Variants in YTHDF2 observed in about 807,000 individuals in gnomAD.
YTHDF2 encodes the protein YTH N6-methyladenosine RNA binding protein F2, also known as YTH domain-containing family protein 2.
In YTHDF2, 2 loss-of-function variants were observed where a neutral mutation model predicts 50.4. The ratio of observed to expected loss-of-function variants is 0.04; its 90% CI spans 0.02 to 0.12. The LOEUF (loss-of-function observed/expected upper bound fraction) is 0.12, where lower values mean the gene tolerates loss of function less well. Among genes scored for constraint, YTHDF2 ranks in the 10% least tolerant of loss-of-function variants. The pLI is 1.00. For missense variants in YTHDF2, 483 were observed against 722.6 expected (o/e 0.67, Z 3.80); for synonymous variants, 217 against 255.6 (o/e 0.85, Z 1.44).
intron 4 of YTHDF2, among the ~76,000 whole-genome samples, chr1:28,763,677 G>A (rs1252375207): frequency 6.6e-6 from 1 of 151,134 alleles, no homozygotes; most frequent in Non-Finnish European, 1.5e-5. Context: ...GGATGGTCTC[G>A]ATCTCCTGAC....
chr1:28,768,963 T>G lies in YTHDF2; in HGVS notation c.*11T>G. 6.3e-7 allele frequency: 1 copy of G among 1,584,306 alleles called. No individual in the cohort carries two copies. Among genetic ancestry groups the G allele is most frequent in the Non-Finnish European group, 8.6e-7 (1 of 1,164,136 alleles). On this transcript the variant is annotated 3_prime_UTR_variant, in exon 5 of 5. Transcript: ENST00000373812. The stretch of plus-strand genomic sequence containing the variant: ...GGTCGTGGGAAATAAAAGGCAGTTC[T>G]ACACAGACTGCAGCAACGGTTGCAT...
chr1:28,759,645 A>C (rs1348310062), intron 4 of YTHDF2, among the ~76,000 whole-genome samples: 2 of 152,186 alleles, frequency 1.3e-5, no homozygotes, highest in Non-Finnish European at 2.9e-5. Flanking sequence ...CAGAAAATGT[A>C]CATTAAAACA....
At chr1:28,737,184 A>G in intron 1 of YTHDF2, 37 bp downstream of exon 1, 1 of 1,547,492 alleles carries the variant, frequency 6.5e-7, no homozygotes, top group Non-Finnish European at 8.7e-7. Flanking sequence ...CCATTGTGTG[A>G]GGCGAGAAGG....
At position 28,769,349 on chromosome 1, in the gene YTHDF2, A is replaced by G. The variant is rs2088270085; in HGVS notation, c.*397A>G. ...CCATTTTGACATTTGCACTTGGAGAACACTTGAGTTGTGAAGGTTTTGGGC... is the reference window on the plus strand; with the variant it reads ...CCATTTTGACATTTGCACTTGGAGAGCACTTGAGTTGTGAAGGTTTTGGGC... On this transcript the variant is annotated 3_prime_UTR_variant, in exon 5 of 5. Coordinates refer to ENST00000373812, the MANE Select transcript of YTHDF2 (RefSeq NM_016258.3). 1 of 154,898 alleles carries G rather than the reference A, an allele frequency of 6.5e-6. No homozygotes were observed. The highest frequency in any genetic ancestry group is 1.4e-5 in the Non-Finnish European group (1 of 69,614). 9.6% of individuals were successfully genotyped at this position (154,898 alleles called of 1,614,324 possible). A position where few individuals can be genotyped will look rare whatever the true frequency, so the allele number is the denominator to read the frequency against.
rs138573107 is a variant in YTHDF2, at chr1:28,763,517, G to A, written c.1717-5412G>A. ...GTTGCTCAGGCTGGAGTGCAGTGGT[G>A]CGATCTCAGCTCAGTGCAACCTCCA... is the stretch of plus-strand genomic sequence containing the variant. On this transcript the variant is annotated intron_variant, in intron 4 of 4. Transcript: ENST00000373812. Among the ~76,000 whole-genome samples the A allele has an allele frequency of 8.4e-3, 1,278 of 152,158 alleles. 14 individuals carry two copies. Among genetic ancestry groups the A allele is most frequent in the African/African-American group, 0.027 (1,128 of 41,530 alleles).
chr1:28,766,001 C>CT (rs1158955295), intron 4 of YTHDF2, among the ~76,000 whole-genome samples: 4 of 152,186 alleles, frequency 2.6e-5, no homozygotes, highest in African/African-American at 4.8e-5. Context: ...CTTATTCAGA[C>CT]TTTATCAGTT....
intron 1 of YTHDF2, 130 bp from the exon 2 acceptor site, chr1:28,737,528 C>T (rs950478240): frequency 7.7e-7 from 1 of 1,291,344 alleles, no homozygotes; most frequent in Non-Finnish European, 1.1e-6. Context: ...CTCTTCCTCA[C>T]TACCATTCCT....
chr1:28,740,706 T>C (rs1038706540), intron 3 of YTHDF2, among the ~76,000 whole-genome samples: 1 of 151,992 alleles, frequency 6.6e-6, no homozygotes, highest in African/African-American at 2.4e-5. Context: ...TATGTATTAT[T>C]TATTTATTTA....
At chr1:28,762,459 G>A (rs1301052205) in intron 4 of YTHDF2, among the ~76,000 whole-genome samples, 1 of 152,182 alleles carries the variant, frequency 6.6e-6, no homozygotes, top group Non-Finnish European at 1.5e-5. Flanking sequence ...ATTGTCAGCT[G>A]GGGTGCTGAA....
intron 4 of YTHDF2, among the ~76,000 whole-genome samples, chr1:28,749,190 T>G (rs1396567391): frequency 6.8e-6 from 1 of 146,828 alleles, no homozygotes; most frequent in East Asian, 2.0e-4. Context: ...TTTTTTTTTT[T>G]TTTTTTTTTT....
chr1:28,763,976 T>C (rs2088179394), intron 4 of YTHDF2, among the ~76,000 whole-genome samples: 1 of 145,786 alleles, frequency 6.9e-6, no homozygotes, highest in Non-Finnish European at 1.5e-5. Context: ...TGAGACGGGG[T>C]TTCTCTCTTG....
At chr1:28,765,748 G>A (rs2088206453) in intron 4 of YTHDF2, among the ~76,000 whole-genome samples, 1 of 152,104 alleles carries the variant, frequency 6.6e-6, no homozygotes, top group African/African-American at 2.4e-5. Flanking sequence ...ACCATGCTGG[G>A]CCTTGGAATA....
intron 4 of YTHDF2, among the ~76,000 whole-genome samples, chr1:28,748,267 G>A (rs1286041747): frequency 6.6e-6 from 1 of 152,062 alleles, no homozygotes; most frequent in African/African-American, 2.4e-5. Context: ...TTACATAACT[G>A]ATTGTAAACT....
Position 28,768,937 on chromosome 1 carries a change from A to G in YTHDF2, c.1725A>G (p.Gln575=), listed in dbSNP as rs773191267. The change falls in exon 5 of 5, where the codon CAA becomes CAG. Residue 575 remains glutamine, a synonymous_variant. Coordinates refer to ENST00000373812, the MANE Select transcript of YTHDF2 (RefSeq NM_016258.3). ...EEEESVKKER[Q]GRGK ...TTTTCTTACCTCTGTAGGAACGTCA[A>G]GGTCGTGGGAAATAAAAGGCAGTTC... The G allele has an allele frequency of 2.5e-6, 4 of 1,593,684 alleles. No homozygotes were observed. The highest frequency in any genetic ancestry group is 1.1e-5 in the South Asian group (1 of 87,248).
At chr1:28,767,551 C>T (rs1030970865) in intron 4 of YTHDF2, among the ~76,000 whole-genome samples, 3 of 151,916 alleles carry the variant, frequency 2.0e-5, no homozygotes, top group Admixed American at 1.3e-4. Context: ...CTTTGTCGCC[C>T]AGGCTGGAGT....
At chr1:28,745,650 C>T (rs553092020) in intron 4 of YTHDF2, among the ~76,000 whole-genome samples, 5 of 150,466 alleles carry the variant, frequency 3.3e-5, no homozygotes, top group East Asian at 2.0e-4. Context: ...ACTTGAACCC[C>T]GAAGGCAGAG....
At chr1:28,752,385 C>T (rs964161258) in intron 4 of YTHDF2, among the ~76,000 whole-genome samples, 5 of 152,100 alleles carry the variant, frequency 3.3e-5, no homozygotes, top group Admixed American at 1.3e-4. Flanking sequence ...TCACTGTGTC[C>T]TCCACCTCCC....
chr1:28,750,763 G>A (rs984579894), intron 4 of YTHDF2, among the ~76,000 whole-genome samples: 3 of 151,922 alleles, frequency 2.0e-5, no homozygotes, highest in African/African-American at 2.4e-5. Flanking sequence ...ATATATTAAT[G>A]AAAAATTGTT....
At chr1:28,748,127 CA>C (rs1333197193) in intron 4 of YTHDF2, among the ~76,000 whole-genome samples, 55 of 126,938 alleles carry the variant, frequency 4.3e-4, no homozygotes, top group South Asian at 1.5e-3. Flanking sequence ...GACTCCATCT[CA>C]AAAAAAAAAA....
Sources: allele counts gnomAD v4.1 joint callset (sites outside exome capture counted in the v4.1 genomes callset), GRCh38; gene constraint gnomAD v4.1.1; transcripts MANE v1.5; gene names NCBI Gene and HGNC (gene_info 2026-07-23, HGNC 2026-07-21).